The following PECR variants were observed in gnomAD, a reference collection of about 807,000 sequenced individuals.
PECR encodes the protein peroxisomal trans-2-enoyl-CoA reductase.
In PECR, 30 loss-of-function variants were observed where a neutral mutation model predicts 35.3. The observed-to-expected ratio is 0.85, with a 90% CI of 0.64 to 1.15. The LOEUF (loss-of-function observed/expected upper bound fraction) is 1.15. Ranked by LOEUF, PECR falls within the 50% of genes most tolerant of loss-of-function variation. The pLI, the probability that PECR is intolerant of heterozygous loss-of-function variation, is 0.00. For synonymous variants in PECR, 148 were observed against 138.9 expected (o/e 1.07, Z -0.46); for missense variants, 392 against 370.8 (o/e 1.06, Z -0.47).
chr2:216,056,242 C>A (rs1215458883), intron 4 of PECR, among the ~76,000 whole-genome samples: 9 of 151,908 alleles, frequency 5.9e-5, no homozygotes, highest in Non-Finnish European at 1.2e-4. Context: ...CTTAAGAGAG[C>A]TAAAATTTAA....
chr2:216,050,559 T>G (rs1695090627), intron 5 of PECR, among the ~76,000 whole-genome samples: 1 of 152,198 alleles, frequency 6.6e-6, no homozygotes, highest in Non-Finnish European at 1.5e-5. Flanking sequence ...CAGTCATGCA[T>G]AGTCTTCATT....
chr2:216,056,370 CAAGT>C (rs1327658858), intron 4 of PECR, among the ~76,000 whole-genome samples: 1 of 151,926 alleles, frequency 6.6e-6, no homozygotes, highest in Non-Finnish European at 1.5e-5. Context: ...ATAAAATTAG[CAAGT>C]AATAAGCAGC....
chr2:216,031,839 T>C (rs1214722609), intron 7 of PECR, among the ~76,000 whole-genome samples: 2 of 152,198 alleles, frequency 1.3e-5, no homozygotes, highest in African/African-American at 4.8e-5. Context: ...CACAGCTAAA[T>C]CTCGCAGCAA....
chr2:216,059,931 T>G (rs775060989), intron 3 of PECR, among the ~76,000 whole-genome samples: 6 of 152,228 alleles, frequency 3.9e-5, no homozygotes, highest in Non-Finnish European at 8.8e-5. Flanking sequence ...TTTGTTAATT[T>G]CTACAAAAAT....
At position 216,059,822 on chromosome 2, in the gene PECR, T is replaced by C. The variant is rs1228199951; in HGVS notation, c.425-846A>G. 2.0e-5 allele frequency among the ~76,000 whole-genome samples: 3 copies of C among 152,234 alleles called. No homozygotes were observed. In the East Asian group the frequency reaches 5.8e-4, roughly 29 times the overall value. ...ACTGTCTTAAAATCAAGAAATAGCT[T>C]TGCAATCAAGAAGCATTAAGTCCTC... On this transcript the variant is annotated intron_variant, in intron 3 of 7. Coordinates refer to ENST00000265322, the MANE Select transcript of PECR (RefSeq NM_018441.6).
At chr2:216,033,401 A>T (rs1694741609), downstream of PECR, among the ~76,000 whole-genome samples, 1 of 152,182 alleles carries the variant, frequency 6.6e-6, no homozygotes, top group Non-Finnish European at 1.5e-5. Context: ...TAAGTGGTAG[A>T]AGCTGGGATT....
intron 7 of PECR, among the ~76,000 whole-genome samples, chr2:216,039,757 C>T (rs1219976283): frequency 1.3e-5 from 2 of 152,170 alleles, no homozygotes; most frequent in Non-Finnish European, 2.9e-5. Context: ...ACTTGCCTCT[C>T]CAGCATCCAG....
chr2:216,040,055 C>A (rs1468196915), intron 7 of PECR, among the ~76,000 whole-genome samples: 11 of 151,964 alleles, frequency 7.2e-5, no homozygotes, highest in African/African-American at 2.7e-4. Flanking sequence ...AGGCAGCCAT[C>A]CTGCAATGAG....
chr2:216,076,929 T>C (rs1443034374), intron 1 of PECR, among the ~76,000 whole-genome samples: 2 of 150,462 alleles, frequency 1.3e-5, no homozygotes. Context: ...GAGATGGAGT[T>C]TCGCTCTTGT....
chr2:216,067,494 A>G (rs1036646580), intron 1 of PECR, among the ~76,000 whole-genome samples: 20 of 152,172 alleles, frequency 1.3e-4, no homozygotes, highest in African/African-American at 4.8e-4. Context: ...TAGAGTATCA[A>G]ATTGTTTTCA....
chr2:216,041,930 C>T (rs1329343353), intron 7 of PECR, among the ~76,000 whole-genome samples: 1 of 152,000 alleles, frequency 6.6e-6, no homozygotes, highest in Non-Finnish European at 1.5e-5. Context: ...ACATGCCTTG[C>T]CCTGTGCACC....
chr2:216,079,994 A>C (rs1266182014), intron 1 of PECR, among the ~76,000 whole-genome samples: 1 of 151,798 alleles, frequency 6.6e-6, no homozygotes, highest in East Asian at 2.0e-4. Flanking sequence ...AAAAAAAAAA[A>C]AAGTAAAATT....
chr2:216,069,934 CAAA>C (rs35689726), intron 1 of PECR, among the ~76,000 whole-genome samples: 44,348 of 100,904 alleles, frequency 0.44, 7,478 homozygotes, highest in East Asian at 0.6. Context: ...AAGACTCTGT[CAAA>C]AAAAAAAAAA....
downstream of PECR, among the ~76,000 whole-genome samples, chr2:216,035,243 G>A (rs115061666): frequency 7.2e-3 from 1,098 of 152,284 alleles, 10 homozygotes; most frequent in African/African-American, 0.025. Flanking sequence ...CCCGTGCAGT[G>A]CAGACTGCTT....
At chr2:216,064,476 A>AATGG (rs1409772500) in intron 3 of PECR, among the ~76,000 whole-genome samples, 2 of 152,222 alleles carry the variant, frequency 1.3e-5, no homozygotes, top group East Asian at 3.8e-4. Context: ...TGAATCATGA[A>AATGG]ATGGAAACCA....
intron 6 of PECR, among the ~76,000 whole-genome samples, chr2:216,048,019 C>G (rs972065687): frequency 6.7e-6 from 1 of 148,838 alleles, no homozygotes; most frequent in Admixed American, 6.7e-5. Context: ...AAGTTTACTA[C>G]TAGTTATTTT....
chr2:216,039,143 A>G lies in PECR; in HGVS notation c.*132T>C. The G allele has an allele frequency of 3.0e-6, 2 of 659,582 alleles. No individual in the cohort carries two copies. The highest frequency in any genetic ancestry group is 5.5e-6 in the Non-Finnish European group (2 of 362,286). The allele number at this position is 659,582 out of a possible 1,614,324, so 40.9% of individuals were successfully genotyped here. A position where few individuals can be genotyped will look rare whatever the true frequency, so the allele number is the denominator to read the frequency against. On this transcript the variant is annotated 3_prime_UTR_variant, in exon 8 of 8. Coordinates refer to ENST00000265322, the MANE Select transcript of PECR (RefSeq NM_018441.6). ...TATATATTTCAGGAATAGTTTTTCC[A>G]TAGATATAATTAATAACACTTAAAA...
At chr2:216,029,883 T>C (rs367908174) in intron 7 of PECR, among the ~76,000 whole-genome samples, 13 of 152,384 alleles carry the variant, frequency 8.5e-5, no homozygotes, top group East Asian at 7.7e-4. Context: ...GGAATGTGCA[T>C]GCCAAGCAAA....
At chr2:216,041,109 C>CG (rs1199083011) in intron 7 of PECR, among the ~76,000 whole-genome samples, 2 of 151,944 alleles carry the variant, frequency 1.3e-5, no homozygotes, top group Non-Finnish European at 2.9e-5. Flanking sequence ...TCTCATTATT[C>CG]GGGGGGCAGT....
Sources: gnomAD v4.1 joint callset for allele counts (sites outside exome capture counted in the v4.1 genomes callset) on GRCh38, gnomAD v4.1.1 for gene constraint, MANE v1.5 for transcripts, NCBI Gene and HGNC (gene_info 2026-07-23, HGNC 2026-07-21) for gene names.